The following PLD5 variants were observed in gnomAD, a reference collection of about 807,000 sequenced individuals.
The protein encoded by PLD5 is inactive phospholipase D5.
In PLD5, 36 loss-of-function variants were observed where a neutral mutation model predicts 61.1. The ratio of observed to expected loss-of-function variants is 0.59; its 90% confidence interval spans 0.45 to 0.78. The LOEUF is 0.78. PLD5 is among the 30% of genes least tolerant of loss of function. The pLI, the probability that PLD5 is intolerant of heterozygous loss-of-function variation, is 0.00. For synonymous variants in PLD5, 243 were observed against 242.8 expected (o/e 1.00, Z -0.01); for missense variants, 515 against 644.4 (o/e 0.80, Z 2.17).
At chr1:242,509,555 G>A (rs1668838027) in intron 1 of PLD5, among the ~76,000 whole-genome samples, 2 of 152,110 alleles carry the variant, frequency 1.3e-5, no homozygotes, top group Admixed American at 6.5e-5. Context: ...AGGACATGAG[G>A]CCTTCTAATT....
chr1:242,442,545 A>G (rs1666324720), intron 1 of PLD5, among the ~76,000 whole-genome samples: 1 of 152,222 alleles, frequency 6.6e-6, no homozygotes, highest in African/African-American at 2.4e-5. Context: ...GAGACGCCAC[A>G]TGATGGCTTG....
At chr1:242,201,524 C>A (rs1378838301) in intron 5 of PLD5, among the ~76,000 whole-genome samples, 1 of 151,894 alleles carries the variant, frequency 6.6e-6, no homozygotes, top group Non-Finnish European at 1.5e-5. Flanking sequence ...ATTTGTGTAT[C>A]ATTTATTTAT....
chr1:242,393,249 AGTATATATATGT>A lies in PLD5; in HGVS notation c.190-45019_190-45008del, dbSNP rs1455858244. On this transcript the variant is annotated intron_variant, in intron 1 of 9. Coordinates refer to ENST00000536534, the MANE Select transcript of PLD5 (RefSeq NM_001372062.1). ...GAGTATATATATGTGTATATATATG[AGTATATATATGT>A]GTATATATATGAGTATATATATGTG... Among the ~76,000 whole-genome samples the A allele has an allele frequency of 3.1e-4, 13 of 42,402 alleles. No individual in the cohort carries two copies. In the Admixed American group the frequency reaches 3.9e-3, roughly 13 times the overall value. 27.8% of individuals were successfully genotyped at this position (42,402 alleles called of 152,430 possible). A position where few individuals can be genotyped will look rare whatever the true frequency, so the allele number is the denominator to read the frequency against.
intron 5 of PLD5, among the ~76,000 whole-genome samples, chr1:242,216,705 C>A (rs1176481778): frequency 6.6e-6 from 1 of 152,146 alleles, no homozygotes; most frequent in Non-Finnish European, 1.5e-5. Flanking sequence ...TGGCCTGGAC[C>A]CTCAGCCAAA....
intron 1 of PLD5, among the ~76,000 whole-genome samples, chr1:242,437,321 G>C (rs1325999547): frequency 6.6e-6 from 1 of 152,238 alleles, no homozygotes; most frequent in East Asian, 1.9e-4. Flanking sequence ...TTATGACAAT[G>C]GCACCGACCG....
intron 5 of PLD5, among the ~76,000 whole-genome samples, chr1:242,204,824 C>T (rs570152728): frequency 2.0e-5 from 3 of 152,170 alleles, no homozygotes; most frequent in South Asian, 2.1e-4. Context: ...AAATCAATTT[C>T]GGTTCTATCT....
At chr1:242,111,683 G>A (rs1661516351) in intron 7 of PLD5, among the ~76,000 whole-genome samples, 1 of 152,096 alleles carries the variant, frequency 6.6e-6, no homozygotes, top group Non-Finnish European at 1.5e-5. Context: ...TGAGTAACCA[G>A]TCTGAATTTA....
At chr1:242,314,225 A>C (rs1414661742) in intron 2 of PLD5, among the ~76,000 whole-genome samples, 2 of 152,236 alleles carry the variant, frequency 1.3e-5, no homozygotes, top group Non-Finnish European at 2.9e-5. Context: ...TTTGATCAGC[A>C]TGCTGAAATT....
At chr1:242,482,654 A>C (rs1470834434) in intron 1 of PLD5, among the ~76,000 whole-genome samples, 5 of 152,246 alleles carry the variant, frequency 3.3e-5, no homozygotes, top group African/African-American at 1.2e-4. Context: ...ATCCAGGAGA[A>C]CTTCCCCAAC....
At chr1:242,381,964 A>ACT (rs1436655886) in intron 1 of PLD5, among the ~76,000 whole-genome samples, 1 of 152,110 alleles carries the variant, frequency 6.6e-6, no homozygotes, top group Non-Finnish European at 1.5e-5. Flanking sequence ...GAGACAAACG[A>ACT]CTTAAGAGAT....
intron 5 of PLD5, among the ~76,000 whole-genome samples, chr1:242,135,104 T>TA (rs1410276322): frequency 6.6e-6 from 1 of 152,226 alleles, no homozygotes; most frequent in African/African-American, 2.4e-5. Flanking sequence ...AGTGGGGTAG[T>TA]AATGAAATGC....
chr1:242,502,121 A>T (rs1164946057), intron 1 of PLD5, among the ~76,000 whole-genome samples: 1 of 152,180 alleles, frequency 6.6e-6, no homozygotes, highest in Non-Finnish European at 1.5e-5. Context: ...AACCCAACCC[A>T]GCTGTCCTCC....
At chr1:242,475,841 C>T (rs1028473265) in intron 1 of PLD5, among the ~76,000 whole-genome samples, 2 of 151,988 alleles carry the variant, frequency 1.3e-5, no homozygotes, top group African/African-American at 4.8e-5. Context: ...TGCTCAGAGG[C>T]ACCCCCATGA....
intron 4 of PLD5, among the ~76,000 whole-genome samples, chr1:242,264,785 T>C (rs3001674): frequency 0.25 from 37,417 of 151,970 alleles, 6,319 homozygotes; most frequent in East Asian, 0.65. Context: ...GTTGACATTA[T>C]AGCAAAATAA....
intron 5 of PLD5, among the ~76,000 whole-genome samples, chr1:242,154,493 T>A (rs1327845241): frequency 6.6e-6 from 1 of 152,152 alleles, no homozygotes; most frequent in Non-Finnish European, 1.5e-5. Flanking sequence ...CATAAATAGC[T>A]CTTATTATTT....
At chr1:242,360,390 T>C (rs1319625013) in intron 1 of PLD5, among the ~76,000 whole-genome samples, 1 of 152,198 alleles carries the variant, frequency 6.6e-6, no homozygotes, top group African/African-American at 2.4e-5. Context: ...TTTTAAATAA[T>C]ATCTTTAAAT....
chr1:242,398,142 G>A (rs1387657892), intron 1 of PLD5, among the ~76,000 whole-genome samples: 2 of 152,172 alleles, frequency 1.3e-5, no homozygotes, highest in Non-Finnish European at 2.9e-5. Flanking sequence ...AGATGTGAGG[G>A]GAGGTCAGAA....
intron 1 of PLD5, among the ~76,000 whole-genome samples, chr1:242,468,689 A>C (rs1465372245): frequency 6.6e-6 from 1 of 151,974 alleles, no homozygotes; most frequent in Non-Finnish European, 1.5e-5. Flanking sequence ...ACACACACAC[A>C]TACACACACA....
chr1:242,175,570 T>C (rs1012182612), intron 5 of PLD5, among the ~76,000 whole-genome samples: 2 of 152,158 alleles, frequency 1.3e-5, no homozygotes, highest in African/African-American at 4.8e-5. Context: ...ACTACTCCTA[T>C]TCAGTATAGT....
Sources: gnomAD v4.1 joint callset for allele counts (sites outside exome capture counted in the v4.1 genomes callset) on GRCh38, gnomAD v4.1.1 for gene constraint, MANE v1.5 for transcripts, NCBI Gene and HGNC (gene_info 2026-07-23, HGNC 2026-07-21) for gene names.